Variants in IL19 observed in about 807,000 individuals in gnomAD.
IL19 encodes the protein interleukin-19.
In IL19, 15 loss-of-function variants were observed where a neutral mutation model predicts 19.5. That is an observed-to-expected ratio of 0.77 (90% CI 0.52 to 1.19). IL19 has a LOEUF of 1.19. Among genes scored for constraint, IL19 ranks in the 50% most tolerant of loss-of-function variants. IL19 has a pLI of 0.00. For missense variants in IL19, 199 were observed against 213.1 expected, an observed-to-expected ratio of 0.93 and a Z score of 0.41; for synonymous variants, 78 against 78.3, an observed-to-expected ratio of 1.00 and a Z score of 0.02.
chr1:206,820,803 G>A (rs150451883), intron 2 of IL19, among the ~76,000 whole-genome samples: 5 of 152,092 alleles, frequency 3.3e-5, no homozygotes, highest in Non-Finnish European at 5.9e-5. Flanking sequence ...GCTTCCTGCC[G>A]CCTCCTCCCC....
intron 4 of IL19, among the ~76,000 whole-genome samples, chr1:206,838,747 TTCCCTTCCCTTCCC>T (rs1558623827): frequency 1.6e-4 from 2 of 12,450 alleles, no homozygotes; most frequent in Non-Finnish European, 4.4e-4. Flanking sequence ...TTCCCTTCCC[TTCCCTTCCCTTCCC>T]TTCCCTTCCC....
chr1:206,821,424 T>C (rs570996423), intron 2 of IL19, among the ~76,000 whole-genome samples: 40 of 152,370 alleles, frequency 2.6e-4, no homozygotes, highest in African/African-American at 9.1e-4. Context: ...GTTACGATGC[T>C]TGCGGCTTTC....
intron 2 of IL19, among the ~76,000 whole-genome samples, chr1:206,809,366 G>A (rs187400755): frequency 1.4e-4 from 22 of 152,282 alleles, no homozygotes; most frequent in East Asian, 7.7e-4. Context: ...GTGTGGGGTG[G>A]GTGGGCATGA....
At chr1:206,825,749 C>T (rs1462116747) in intron 2 of IL19, among the ~76,000 whole-genome samples, 1 of 152,212 alleles carries the variant, frequency 6.6e-6, no homozygotes, top group Non-Finnish European at 1.5e-5. Context: ...TGGAACTCGC[C>T]AAAACCCCGT....
chr1:206,820,695 C>A (rs1018841425), intron 2 of IL19, among the ~76,000 whole-genome samples: 4 of 152,232 alleles, frequency 2.6e-5, no homozygotes, highest in African/African-American at 9.6e-5. Flanking sequence ...TGGGCCTCTA[C>A]TTTACTGTGG....
chr1:206,826,314 T>C (rs1027208814), intron 2 of IL19, among the ~76,000 whole-genome samples: 2 of 152,152 alleles, frequency 1.3e-5, no homozygotes, highest in Admixed American at 6.5e-5. Context: ...CCCCAGGACA[T>C]GGTGGAGATT....
At chr1:206,825,758 G>C (rs78505923) in intron 2 of IL19, among the ~76,000 whole-genome samples, 1 of 152,190 alleles carries the variant, frequency 6.6e-6, no homozygotes, top group African/African-American at 2.4e-5. Flanking sequence ...CCAAAACCCC[G>C]TGCAGGTGGA....
chr1:206,827,695 C>A (rs2352794), intron 2 of IL19, among the ~76,000 whole-genome samples: 100,559 of 139,428 alleles, frequency 0.72, 35,669 homozygotes, highest in Non-Finnish European at 0.79. Context: ...TCTCAAAAAA[C>A]AAAACAAAAC....
chr1:206,827,978 A>T (rs1676484559), intron 2 of IL19, among the ~76,000 whole-genome samples: 5 of 152,258 alleles, frequency 3.3e-5, no homozygotes. Context: ...ATGAAAACAG[A>T]CAATGCATAT....
chr1:206,827,412 C>T (rs1330831542), intron 2 of IL19, among the ~76,000 whole-genome samples: 1 of 152,068 alleles, frequency 6.6e-6, no homozygotes, highest in African/African-American at 2.4e-5. Context: ...TTCTCTCGGC[C>T]GGGCACGGTG....
chr1:206,798,476 A>T (rs565325531), intron 1 of IL19, among the ~76,000 whole-genome samples: 1 of 152,234 alleles, frequency 6.6e-6, no homozygotes, highest in South Asian at 2.1e-4. Context: ...ATTTCCTGTG[A>T]CGCTAATAAA....
intron 1 of IL19, among the ~76,000 whole-genome samples, chr1:206,774,934 TACACAC>T (rs545819491): frequency 6.6e-6 from 1 of 151,196 alleles, no homozygotes; most frequent in Non-Finnish European, 1.5e-5. Flanking sequence ...TGTGTGTAAA[TACACAC>T]ACACACACAT....
chr1:206,831,818 C>T (rs1333072999), intron 2 of IL19, among the ~76,000 whole-genome samples: 1 of 152,218 alleles, frequency 6.6e-6, no homozygotes, highest in Non-Finnish European at 1.5e-5. Context: ...TTATGGTACA[C>T]CACATGCTGG....
intron 2 of IL19, among the ~76,000 whole-genome samples, chr1:206,831,911 G>T (rs72756989): frequency 1.3e-5 from 2 of 152,358 alleles, no homozygotes; most frequent in Non-Finnish European, 2.9e-5. Flanking sequence ...ATGAAAGCTA[G>T]GTCAGAACAT....
At position 206,840,926 on chromosome 1, in the gene IL19, C is replaced by T. The variant is rs1013691817; in HGVS notation, c.364-78C>T. ...GTGGGAGGGAGGAGAAATGTCACTT[C>T]TCATGTGGGGAGGCAGGAGTAAGAG... On this transcript the variant is annotated intron_variant, in intron 5 of 6. Transcript: ENST00000659997. 4.2e-6 allele frequency: 5 copies of T among 1,178,916 alleles called. No individual in the cohort carries two copies. In the African/African-American group the frequency reaches 6.0e-5, roughly 14 times the overall value. 73.0% of individuals were successfully genotyped at this position (1,178,916 alleles called of 1,614,324 possible). A position where few individuals can be genotyped will look rare whatever the true frequency, so the allele number is the denominator to read the frequency against.
chr1:206,773,360 C>G (rs971057923), intron 1 of IL19, among the ~76,000 whole-genome samples: 1 of 152,232 alleles, frequency 6.6e-6, no homozygotes, highest in Non-Finnish European at 1.5e-5. Flanking sequence ...TGTACACCAT[C>G]TCCAGCACAT....
intron 1 of IL19, chr1:206,772,207 C>T (rs1479802873): frequency 6.9e-7 from 1 of 1,450,772 alleles, no homozygotes. Flanking sequence ...CTTATAGTTC[C>T]AGGAGAATGT....
intron 6 of IL19, 89 bp from the exon 7 acceptor site, chr1:206,842,438 C>A: frequency 6.6e-6 from 5 of 758,750 alleles, no homozygotes; most frequent in South Asian, 1.8e-5. Flanking sequence ...AGAAACAAAA[C>A]CTTGTGGGAA....
chr1:206,836,930 A>T, intron 3 of IL19, 28 bp from the exon 4 acceptor site: 1 of 1,608,994 alleles, frequency 6.2e-7, no homozygotes, highest in South Asian at 1.1e-5. Context: ...CCGATTGCTT[A>T]TGTCTGTTCT....
Sources: gnomAD v4.1 joint callset for allele counts (sites outside exome capture counted in the v4.1 genomes callset) on GRCh38, gnomAD v4.1.1 for gene constraint, MANE v1.5 for transcripts, NCBI Gene and HGNC (gene_info 2026-07-23, HGNC 2026-07-21) for gene names.